Variants in TSPAN5 observed in about 807,000 individuals in gnomAD.
TSPAN5 encodes the protein tetraspanin-5.
In TSPAN5, 10 loss-of-function variants were observed where a neutral mutation model predicts 37.1. That is an observed-to-expected ratio of 0.27 (90% confidence interval 0.17 to 0.46). The LOEUF (loss-of-function observed/expected upper bound fraction) is 0.46. TSPAN5 is among the 20% of genes least tolerant of loss of function. The pLI is 1.00. For synonymous variants in TSPAN5, 110 were observed against 118.9 expected (o/e 0.93, Z 0.48); for missense variants, 195 against 326.6 (o/e 0.60, Z 3.11).
At chr4:98,645,174 A>G in intron 1 of TSPAN5, among the ~76,000 whole-genome samples, 1 of 152,190 alleles carries the variant, frequency 6.6e-6, no homozygotes, top group East Asian at 1.9e-4. Context: ...ATTTGATGCC[A>G]GAATGTCGAA....
intron 1 of TSPAN5, among the ~76,000 whole-genome samples, chr4:98,583,545 T>C (rs1318576146): frequency 6.6e-6 from 1 of 152,182 alleles, no homozygotes; most frequent in East Asian, 1.9e-4. Context: ...ATTTTGATGA[T>C]TAAAAGGAGG....
chr4:98,520,231 A>C (rs1445660448), intron 1 of TSPAN5, among the ~76,000 whole-genome samples: 1 of 152,216 alleles, frequency 6.6e-6, no homozygotes, highest in Non-Finnish European at 1.5e-5. Flanking sequence ...TTACACATTA[A>C]GTAGGGGAAG....
chr4:98,616,668 A>G (rs963873629), intron 1 of TSPAN5, among the ~76,000 whole-genome samples: 8 of 152,108 alleles, frequency 5.3e-5, no homozygotes, highest in African/African-American at 1.7e-4. Flanking sequence ...GTGCCACTGT[A>G]ATAATATGTT....
chr4:98,620,430 T>C (rs1176573776), intron 1 of TSPAN5, among the ~76,000 whole-genome samples: 1 of 152,154 alleles, frequency 6.6e-6, no homozygotes, highest in African/African-American at 2.4e-5. Context: ...CATTCTCCCA[T>C]CATGGAGCAG....
At chr4:98,604,566 A>T (rs1444149586) in intron 1 of TSPAN5, among the ~76,000 whole-genome samples, 3 of 152,248 alleles carry the variant, frequency 2.0e-5, no homozygotes, top group African/African-American at 7.2e-5. Flanking sequence ...CTTTACCATT[A>T]TCTAGGCAGT....
intron 1 of TSPAN5, among the ~76,000 whole-genome samples, chr4:98,600,268 G>A (rs577584425): frequency 5.9e-5 from 9 of 152,236 alleles, no homozygotes; most frequent in African/African-American, 9.6e-5. Context: ...CGGTGGTGGC[G>A]CTGAAGGTTG....
At chr4:98,599,285 C>T (rs144216280) in intron 1 of TSPAN5, among the ~76,000 whole-genome samples, 38 of 152,162 alleles carry the variant, frequency 2.5e-4, no homozygotes, top group Admixed American at 1.2e-3. Flanking sequence ...AGACTACGTG[C>T]ACATGCCACC....
At chr4:98,640,229 C>G (rs1221646363) in intron 1 of TSPAN5, among the ~76,000 whole-genome samples, 1 of 152,104 alleles carries the variant, frequency 6.6e-6, no homozygotes, top group African/African-American at 2.4e-5. Flanking sequence ...ACTTCCTAAA[C>G]ATGCCTATTT....
chr4:98,609,612 G>A (rs2110232363), intron 1 of TSPAN5, among the ~76,000 whole-genome samples: 1 of 152,314 alleles, frequency 6.6e-6, no homozygotes, highest in South Asian at 2.1e-4. Flanking sequence ...TCGTGTCCAG[G>A]TGCAGGTCTA....
chr4:98,542,012 G>A (rs1483581784), intron 1 of TSPAN5, among the ~76,000 whole-genome samples: 1 of 152,114 alleles, frequency 6.6e-6, no homozygotes, highest in Non-Finnish European at 1.5e-5. Flanking sequence ...AAAACATATT[G>A]TCTAAAGCCC....
At chr4:98,638,120 G>T (rs960645630) in intron 1 of TSPAN5, among the ~76,000 whole-genome samples, 1 of 151,984 alleles carries the variant, frequency 6.6e-6, no homozygotes, top group Non-Finnish European at 1.5e-5. Flanking sequence ...GTTATAATTC[G>T]TGCCCAGTGG....
intron 2 of TSPAN5, among the ~76,000 whole-genome samples, chr4:98,489,202 A>T (rs1431440872): frequency 6.6e-6 from 1 of 152,208 alleles, no homozygotes; most frequent in Non-Finnish European, 1.5e-5. Flanking sequence ...TAATACTGAG[A>T]GACAGGACTA....
chr4:98,508,522 C>CTTTTTTTTTT (rs34342433), intron 1 of TSPAN5, among the ~76,000 whole-genome samples: 1 of 121,930 alleles, frequency 8.2e-6, no homozygotes, highest in Non-Finnish European at 1.7e-5. Context: ...TACTGTTTTT[C>CTTTTTTTTTT]TTTTTTTTTT....
chr4:98,624,482 GA>G (rs1756549100), intron 1 of TSPAN5, among the ~76,000 whole-genome samples: 1 of 152,142 alleles, frequency 6.6e-6, no homozygotes, highest in African/African-American at 2.4e-5. Flanking sequence ...AGCTCCATAA[GA>G]AGTTACTTGA....
intron 1 of TSPAN5, among the ~76,000 whole-genome samples, chr4:98,612,829 C>T (rs112679610): frequency 3.3e-5 from 5 of 152,350 alleles, no homozygotes; most frequent in African/African-American, 9.6e-5. Flanking sequence ...CTCCCTCCCC[C>T]CACAGGGCTA....
chr4:98,485,524 T>G (rs975586891), intron 3 of TSPAN5: 2 of 152,164 alleles, frequency 1.3e-5, no homozygotes, highest in African/African-American at 4.8e-5. Context: ...AACTTATCTG[T>G]AAGACCAGGT....
rs941280373 is a variant in TSPAN5 at position 98,471,035 on chromosome 4, C to G, written c.*1487G>C. 1 of 152,138 alleles carries G rather than the reference C, an allele frequency of 6.6e-6. No individual in the cohort carries two copies. Among genetic ancestry groups the G allele is most frequent in the African/African-American group, 2.4e-5 (1 of 41,422 alleles). 9.4% of individuals were successfully genotyped at this position (152,138 alleles called of 1,614,324 possible). A position where few individuals can be genotyped will look rare whatever the true frequency, so the allele number is the denominator to read the frequency against. On this transcript the variant is annotated 3_prime_UTR_variant, in exon 8 of 8. Transcript: ENST00000305798. ...TAAAATCTAGAGGGCAAAACTCGTC[C>G]CTCCCACCTAAAGTGGGGGCAGGAG...
intron 1 of TSPAN5, among the ~76,000 whole-genome samples, chr4:98,574,287 C>T (rs1203821175): frequency 6.6e-6 from 1 of 152,160 alleles, no homozygotes; most frequent in Non-Finnish European, 1.5e-5. Context: ...AACTTACCAA[C>T]AGTTGATGGG....
chr4:98,512,518 G>A (rs971124382), intron 1 of TSPAN5, among the ~76,000 whole-genome samples: 3 of 152,198 alleles, frequency 2.0e-5, no homozygotes, highest in South Asian at 2.1e-4. Context: ...AAGGACAGCC[G>A]GCAGAGCTGA....
Sources: gnomAD v4.1 joint callset for allele counts (sites outside exome capture counted in the v4.1 genomes callset) on GRCh38, gnomAD v4.1.1 for gene constraint, MANE v1.5 for transcripts, NCBI Gene and HGNC (gene_info 2026-07-23, HGNC 2026-07-21) for gene names.